The following INTS2 variants were observed in gnomAD, a reference collection of about 807,000 sequenced individuals.
INTS2 encodes the protein KIAA1287.
In INTS2, 57 loss-of-function variants were observed where a neutral mutation model predicts 139.6. That is an observed-to-expected ratio of 0.41 (90% confidence interval 0.33 to 0.51). The LOEUF is 0.51. INTS2 is among the 20% of genes least tolerant of loss of function. INTS2 has a pLI of 0.28. For synonymous variants in INTS2, 473 were observed against 493.4 expected (o/e 0.96, Z 0.55); for missense variants, 1,196 against 1,436.7 (o/e 0.83, Z 2.71).
At chr17:61,904,009 A>AT (rs1484799219) in intron 9 of INTS2, among the ~76,000 whole-genome samples, 4 of 152,244 alleles carry the variant, frequency 2.6e-5, no homozygotes, top group Non-Finnish European at 5.9e-5. Context: ...TCTAAGAAAG[A>AT]TAAAATAGGA....
At chr17:61,926,691 G>T (rs774234050) in intron 1 of INTS2, 29 bp from the exon 2 acceptor site, 1 of 1,543,992 alleles carries the variant, frequency 6.5e-7, no homozygotes, top group Non-Finnish European at 8.8e-7. Flanking sequence ...ATGAAAGTAG[G>T]AGTTTAACTT....
At position 61,893,011 on chromosome 17, in the gene INTS2, T is replaced by C. The variant is rs879630137; in HGVS notation, c.1698+754A>G. Among the ~76,000 whole-genome samples the C allele has an allele frequency of 7.0e-6, 1 of 143,254 alleles. No homozygotes were observed. Among genetic ancestry groups the C allele is most frequent in the Non-Finnish European group, 1.5e-5 (1 of 66,456 alleles). 94.0% of individuals were successfully genotyped at this position (143,254 alleles called of 152,430 possible). A position where few individuals can be genotyped will look rare whatever the true frequency, so the allele number is the denominator to read the frequency against. ...GGTGGCTCGCACCTGTAGTTCCAGC[T>C]ACTTAGGAGGCTGTGGCAGGAGGAC... On this transcript the variant is annotated intron_variant, in intron 13 of 24. Transcript: ENST00000251334. The surrounding 1 kb of genome is among the most constrained non-coding windows in gnomAD (Gnocchi z 5.4).
intron 5 of INTS2, among the ~76,000 whole-genome samples, chr17:61,913,353 CA>C (rs966569686): frequency 5.1e-4 from 31 of 60,508 alleles, no homozygotes; most frequent in African/African-American, 1.7e-3. Context: ...AAAAAAAAAA[CA>C]AAAAAAAAGG....
chr17:61,865,777 T>A lies in INTS2; in HGVS notation c.*1780A>T. On this transcript the variant is annotated 3_prime_UTR_variant, in exon 25 of 25. Coordinates refer to ENST00000251334, the MANE Select transcript of INTS2 (RefSeq NM_001351695.2). The surrounding 1 kb of genome is among the most constrained non-coding windows in gnomAD (Gnocchi z 4.8). ...ACTGCCTTGTTTAAAAATATGAAAA[T>A]TCTTATGCTATTTTTAAGATACTTT... The A allele has an allele frequency of 6.6e-6, 1 of 152,276 alleles. No homozygotes were observed. The highest frequency in any genetic ancestry group is 1.5e-5 in the Non-Finnish European group (1 of 68,022). 9.4% of individuals were successfully genotyped at this position (152,276 alleles called of 1,614,324 possible).
In INTS2 at chr17:61,912,681, T is replaced by C. The variant is rs186069704; in HGVS notation, c.650-611A>G. On this transcript the variant is annotated intron_variant, in intron 5 of 24. Coordinates refer to ENST00000251334, the MANE Select transcript of INTS2 (RefSeq NM_001351695.2). Reference sequence around the variant, plus strand: ...ATTTTCCCAAGTTGAATGAAAACTCTAAACCCAGTTCAATGAGCCCTAAGT... The same window carrying C: ...ATTTTCCCAAGTTGAATGAAAACTCCAAACCCAGTTCAATGAGCCCTAAGT... Among the ~76,000 whole-genome samples, 500 of 152,206 alleles carry C rather than the reference T, an allele frequency of 3.3e-3. 2 individuals are homozygous for C. The highest frequency in any genetic ancestry group is 0.011 in the African/African-American group (452 of 41,520).
At chr17:61,899,605 G>A (rs964205244) in intron 9 of INTS2, among the ~76,000 whole-genome samples, 5 of 151,408 alleles carry the variant, frequency 3.3e-5, no homozygotes, top group African/African-American at 1.2e-4. Context: ...CTATCTATAA[G>A]ATATAGACAA....
chr17:61,884,009 A>G (rs911155964), intron 16 of INTS2, among the ~76,000 whole-genome samples: 7 of 151,940 alleles, frequency 4.6e-5, no homozygotes, highest in Non-Finnish European at 5.9e-5. Context: ...AAGAAAAAAA[A>G]AAAGAAAGAA....
Position 61,869,841 on chromosome 17 carries a change from C to A in INTS2, c.2926G>T (p.Asp976Tyr). ...TCTCGAAGGTTACAGAGCAAATTGT[C>A]TTCTCCTTCCTCCATTCCCTTATTT... The part of the protein sequence containing the change: ...APNKGMEEGE[D>Y]NLLCNLREVQ... Residue 976 changes from aspartate (D) to tyrosine (Y), a missense_variant, in exon 21 of 25, where the codon GAC (aspartate) becomes TAC (tyrosine). By Grantham distance (160) the Asp-to-Tyr change is radical. Around this residue, in one of 3 missense-constraint regions of INTS2, gnomAD observed 1,129 missense variants for 1,341.9 expected, o/e 0.84. Coordinates refer to ENST00000251334, the MANE Select transcript of INTS2 (RefSeq NM_001351695.2). The surrounding 1 kb of genome is among the most constrained non-coding windows in gnomAD (Gnocchi z 5.4). 6.2e-7 allele frequency: 1 copy of A among 1,613,906 alleles called. No individual in the cohort carries two copies. The highest frequency in any genetic ancestry group is 2.2e-5 in the East Asian group (1 of 44,870).
chr17:61,885,319 C>G, intron 15 of INTS2: 1 of 339,828 alleles, frequency 2.9e-6, no homozygotes, highest in Non-Finnish European at 5.3e-6. Flanking sequence ...TCAAGATTTT[C>G]CAAAACCTAA....
intron 3 of INTS2, among the ~76,000 whole-genome samples, chr17:61,924,524 TAA>T (rs1012810202): frequency 6.6e-6 from 1 of 151,932 alleles, no homozygotes; most frequent in Non-Finnish European, 1.5e-5. Flanking sequence ...TATATAGAAA[TAA>T]AAGTAGAGAA....
At chr17:61,912,379 G>T (rs1490117118) in intron 5 of INTS2, among the ~76,000 whole-genome samples, 2 of 124,090 alleles carry the variant, frequency 1.6e-5, no homozygotes, top group Admixed American at 8.1e-5. Context: ...GGGGCGGGGG[G>T]GGGGGGGGTG....
intron 5 of INTS2, among the ~76,000 whole-genome samples, chr17:61,916,722 T>C (rs2079586748): frequency 6.6e-6 from 1 of 152,186 alleles, no homozygotes; most frequent in African/African-American, 2.4e-5. Flanking sequence ...GAAATACTAT[T>C]CTGGACACTG....
chr17:61,900,813 C>T (rs886355540), intron 9 of INTS2, among the ~76,000 whole-genome samples: 2 of 151,904 alleles, frequency 1.3e-5, no homozygotes, highest in African/African-American at 4.8e-5. Flanking sequence ...CAAAACTTAG[C>T]TGAGGGTGGT....
intron 5 of INTS2, among the ~76,000 whole-genome samples, chr17:61,914,824 T>C (rs966178581): frequency 6.7e-6 from 1 of 149,450 alleles, no homozygotes; most frequent in Admixed American, 6.7e-5. Context: ...CAGTGAATCA[T>C]GACCACACCA....
Position 61,891,533 on chromosome 17 carries a change from T to C in INTS2, c.1855A>G (p.Ile619Val). Residue 619 changes from isoleucine (I) to valine (V), a missense_variant, in exon 14 of 25, where the codon ATT (isoleucine) becomes GTT (valine). Coordinates refer to ENST00000251334, the MANE Select transcript of INTS2 (RefSeq NM_001351695.2). ...TTTACCCCAATGACTCCTTGGAAAA[T>C]ATTGAGTATCTCCTGTTCTGTGACT... ...QPVTEQEILNIFQGVIGGDNI... is the reference protein window; with the variant it reads ...QPVTEQEILNVFQGVIGGDNI... 1 of 1,613,236 alleles carries C rather than the reference T, an allele frequency of 6.2e-7. No individual in the cohort carries two copies. The highest frequency in any genetic ancestry group is 1.7e-5 in the Admixed American group (1 of 59,864).
At chr17:61,891,317 A>G (rs1400836763) in intron 14 of INTS2, among the ~76,000 whole-genome samples, 196 bp downstream of exon 14, 1 of 152,148 alleles carries the variant, frequency 6.6e-6, no homozygotes, top group African/African-American at 2.4e-5. Flanking sequence ...CATCTCAAAA[A>G]AAAAAGTGCC....
rs116208698 is a variant in INTS2 at position 61,916,772 on chromosome 17, T to C, written c.649+2628A>G. On this transcript the variant is annotated intron_variant, in intron 5 of 24. Transcript: ENST00000251334. ...TTTATAGCCAAGTCCTCAAAAGCAA[T>C]TGCAATGAAAACAAAAATTGACAAG... is the stretch of plus-strand genomic sequence containing the variant. Among the ~76,000 whole-genome samples the C allele has an allele frequency of 3.5e-3, 526 of 152,204 alleles. 2 individuals carry two copies. Among genetic ancestry groups the C allele is most frequent in the African/African-American group, 0.011 (474 of 41,514 alleles).
At chr17:61,904,222 G>C (rs2079437763) in intron 9 of INTS2, among the ~76,000 whole-genome samples, 1 of 152,128 alleles carries the variant, frequency 6.6e-6, no homozygotes, top group South Asian at 2.1e-4. Flanking sequence ...AGGATTATTT[G>C]AGGCCAGGAG....
At chr17:61,916,133 G>C (rs1567916703) in intron 5 of INTS2, among the ~76,000 whole-genome samples, 1 of 151,940 alleles carries the variant, frequency 6.6e-6, no homozygotes, top group Non-Finnish European at 1.5e-5. Flanking sequence ...ACATGGCACT[G>C]GTATAAAAAC....
Sources: gnomAD v4.1 joint callset for allele counts (sites outside exome capture counted in the v4.1 genomes callset) on GRCh38, gnomAD v4.1.1 for gene constraint, gnomAD v4.1.1 regional missense constraint, Gnocchi (gnomAD v3.1) non-coding constraint, MANE v1.5 for transcripts, NCBI Gene and HGNC (gene_info 2026-07-23, HGNC 2026-07-21) for gene names.